The following FGF13 variants were observed in gnomAD, a reference collection of about 807,000 sequenced individuals.
The protein encoded by FGF13 is fibroblast growth factor homologous factor 2.
A neutral mutation model predicts 19.5 loss-of-function variants in FGF13; 2 were observed. The observed-to-expected ratio is 0.10, with a 90% CI of 0.04 to 0.32. The LOEUF (loss-of-function observed/expected upper bound fraction) is 0.32, where lower values mean the gene tolerates loss of function less well. Ranked by LOEUF, FGF13 falls within the 10% of genes least tolerant of loss-of-function variation. The probability of loss-of-function intolerance (pLI) is 1.00; values close to 1 mark genes in which losing one functional copy is unlikely to be tolerated. For synonymous variants in FGF13, 72 were observed against 76.9 expected (o/e 0.94, Z 0.33); for missense variants, 113 against 192.7 (o/e 0.59, Z 2.45).
chrX:139,066,933 A>C (rs759507980), intron 1 of FGF13, among the ~76,000 whole-genome samples: 49 of 111,543 alleles, frequency 4.4e-4, no homozygotes, highest in Admixed American at 2.9e-3. Flanking sequence ...CTTATCCATC[A>C]CGATCAAGTC....
At chrX:138,925,801 A>C (rs1458935420) in intron 1 of FGF13, among the ~76,000 whole-genome samples, 2 of 111,854 alleles carry the variant, frequency 1.8e-5, no homozygotes, top group Non-Finnish European at 3.8e-5. Flanking sequence ...CTGGTGTTGA[A>C]GGCAGAATGA....
rs2284162 is a variant in FGF13 at position 138,639,075 on chromosome X, T to C, written c.403-3420A>G. On this transcript the variant is annotated intron_variant, in intron 3 of 4. Coordinates refer to ENST00000315930, the MANE Select transcript of FGF13 (RefSeq NM_004114.5). ...CACTGTCATTTTATCCAGTGTTGAG[T>C]AGGCAGAAGAGGCTTGATTTTTATC... Among the ~76,000 whole-genome samples, 7 of 111,909 alleles carry C rather than the reference T, an allele frequency of 6.3e-5. No individual in the cohort carries two copies. In the East Asian group the frequency reaches 1.1e-3, roughly 18 times the overall value.
intron 3 of FGF13, among the ~76,000 whole-genome samples, chrX:138,781,560 A>G (rs2090643017): frequency 9.0e-6 from 1 of 110,994 alleles, no homozygotes; most frequent in African/African-American, 3.3e-5. Flanking sequence ...TAAACTAGAA[A>G]ATCTAGAAGA....
intron 1 of FGF13, among the ~76,000 whole-genome samples, chrX:139,127,729 C>T (rs1394662589): frequency 9.0e-6 from 1 of 111,525 alleles, no homozygotes; most frequent in Admixed American, 9.5e-5. Flanking sequence ...TTTTTCAGCA[C>T]ATACTTAGGA....
chrX:139,147,474 C>T, intron 1 of FGF13, among the ~76,000 whole-genome samples: 1 of 111,945 alleles, frequency 8.9e-6, no homozygotes, highest in Non-Finnish European at 1.9e-5. Flanking sequence ...GACTCAGCTT[C>T]CTCAGTAAGA....
intron 1 of FGF13, among the ~76,000 whole-genome samples, chrX:138,984,616 AT>A (rs2091984248): frequency 1.9e-5 from 1 of 52,862 alleles, no homozygotes; most frequent in Admixed American, 2.2e-4. Context: ...GAGGAGGAGG[AT>A]GAGGAAGAGG....
chrX:138,910,243 A>G (rs956732339), intron 1 of FGF13, among the ~76,000 whole-genome samples: 1 of 110,929 alleles, frequency 9.0e-6, no homozygotes, highest in African/African-American at 3.3e-5. Context: ...GGTGCCCAAT[A>G]CCCTCCGTCA....
At chrX:138,918,958 A>AG (rs2091631377) in intron 1 of FGF13, among the ~76,000 whole-genome samples, 1 of 111,647 alleles carries the variant, frequency 9.0e-6, no homozygotes, top group Non-Finnish European at 1.9e-5. Flanking sequence ...CTAACTTATG[A>AG]GGTGCTTCCA....
At chrX:139,007,943 G>A (rs1482369490) in intron 1 of FGF13, among the ~76,000 whole-genome samples, 3 of 112,917 alleles carry the variant, frequency 2.7e-5, no homozygotes, top group Non-Finnish European at 5.6e-5. Context: ...AATAGACTCA[G>A]TGCTGTTGTG....
chrX:138,743,041 T>C (rs2090330261), upstream of FGF13, among the ~76,000 whole-genome samples: 1 of 111,473 alleles, frequency 9.0e-6, no homozygotes, highest in African/African-American at 3.3e-5. Flanking sequence ...ATTTAAAAAA[T>C]ACTGAGTACC....
intron 1 of FGF13, among the ~76,000 whole-genome samples, chrX:138,866,519 A>G (rs749910892): frequency 1.8e-5 from 2 of 111,795 alleles, no homozygotes; most frequent in South Asian, 7.6e-4. Context: ...ATTGCACTGT[A>G]CCAGCAACGG....
At chrX:138,778,605 C>T (rs910593380) in intron 3 of FGF13, among the ~76,000 whole-genome samples, 2 of 112,347 alleles carry the variant, frequency 1.8e-5, no homozygotes, top group South Asian at 3.7e-4. Flanking sequence ...TGCGCTTTTC[C>T]GACAGGCTTA....
intron 3 of FGF13, among the ~76,000 whole-genome samples, chrX:138,849,830 G>A (rs937108326): frequency 9.8e-5 from 11 of 112,015 alleles, no homozygotes; most frequent in Non-Finnish European, 2.1e-4. Context: ...ATGTTTTCAA[G>A]TATCTTTGAT....
At chrX:138,968,032 C>A (rs1374890284) in intron 1 of FGF13, among the ~76,000 whole-genome samples, 2 of 111,493 alleles carry the variant, frequency 1.8e-5, no homozygotes, top group Non-Finnish European at 3.8e-5. Context: ...GGTTGCAGAA[C>A]CCAAACTCGA....
chrX:138,997,640 G>C (rs191886666), intron 1 of FGF13, among the ~76,000 whole-genome samples: 1 of 111,666 alleles, frequency 9.0e-6, no homozygotes, highest in East Asian at 2.8e-4. Flanking sequence ...AGAAAAAAGA[G>C]TAAAAAGAAA....
intron 3 of FGF13, among the ~76,000 whole-genome samples, chrX:138,762,311 G>A (rs1001304426): frequency 9.0e-6 from 1 of 111,201 alleles, no homozygotes; most frequent in East Asian, 2.8e-4. Flanking sequence ...TTTCATAGCC[G>A]TTAACTCCAC....
intron 3 of FGF13, chrX:138,807,037 C>A (rs1174907624): frequency 9.0e-6 from 1 of 111,185 alleles, no homozygotes; most frequent in Non-Finnish European, 1.9e-5. Context: ...AGAAGGCCAC[C>A]AATAAGCTAG....
At chrX:138,922,080 A>G (rs1441145786) in intron 1 of FGF13, among the ~76,000 whole-genome samples, 1 of 109,670 alleles carries the variant, frequency 9.1e-6, no homozygotes, top group Non-Finnish European at 1.9e-5. Context: ...TGATTTTGCT[A>G]CTGGCTATGC....
intron 3 of FGF13, among the ~76,000 whole-genome samples, chrX:138,690,618 T>G (rs1422498776): frequency 1.8e-5 from 2 of 111,075 alleles, no homozygotes; most frequent in East Asian, 5.7e-4. Flanking sequence ...GTGTATTCAA[T>G]TTTACCTCCT....
Sources: allele counts gnomAD v4.1 joint callset (sites outside exome capture counted in the v4.1 genomes callset), GRCh38; gene constraint gnomAD v4.1.1; transcripts MANE v1.5; gene names NCBI Gene and HGNC (gene_info 2026-07-23, HGNC 2026-07-21).